Variants in COL16A1 observed in about 807,000 individuals in gnomAD.
COL16A1 encodes collagen type XVI alpha 1 chain, also known as collagen alpha-1(XVI) chain.
COL16A1 carries 189 observed loss-of-function variants against 266.3 expected under a neutral mutation model. The observed-to-expected ratio is 0.71, with a 90% CI of 0.63 to 0.80. The LOEUF is 0.80. COL16A1 is among the 30% of genes least tolerant of loss of function. The pLI is 0.00. For missense variants in COL16A1, 1,928 were observed against 2,122.4 expected (o/e 0.91, Z 1.80); for synonymous variants, 740 against 782.3 (o/e 0.95, Z 0.90).
intron 33 of COL16A1, 40 bp downstream of exon 33, chr1:31,683,910 T>A (rs1185215090): frequency 2.0e-5 from 32 of 1,613,054 alleles, no homozygotes; most frequent in Non-Finnish European, 2.5e-5. Flanking sequence ...ACCCCTGCCC[T>A]CACGTAGCTA....
chr1:31,698,859 C>T lies in COL16A1; in HGVS notation c.267-253G>A, dbSNP rs1465656359. Among the ~76,000 whole-genome samples, 1 of 152,096 alleles carries T rather than the reference C, an allele frequency of 6.6e-6. No homozygotes were observed. Among genetic ancestry groups the T allele is most frequent in the East Asian group, 1.9e-4 (1 of 5,198 alleles). ...CTGTAATCCCAGCACTTTGGGAGGCCGAGGTGGGCGGATCACCTGAGGCCA... is the reference window on the plus strand; with the variant it reads ...CTGTAATCCCAGCACTTTGGGAGGCTGAGGTGGGCGGATCACCTGAGGCCA... On this transcript the variant is annotated intron_variant, in intron 4 of 70. Transcript: ENST00000373672. The surrounding 1 kb of genome is among the most constrained non-coding windows in gnomAD (Gnocchi z 4.1).
At chr1:31,674,379 C>A (rs571515033) in intron 44 of COL16A1, among the ~76,000 whole-genome samples, 1 of 152,328 alleles carries the variant, frequency 6.6e-6, no homozygotes, top group South Asian at 2.1e-4. Flanking sequence ...GGTGACTAAG[C>A]AAAGATGGGC....
At chr1:31,661,626 G>A (rs1293266130) in intron 59 of COL16A1, 34 bp downstream of exon 59, 7 of 1,613,796 alleles carry the variant, frequency 4.3e-6, no homozygotes, top group East Asian at 2.2e-5. Context: ...CTGCAACTTC[G>A]CAGCTTCCAA....
Position 31,659,102 on chromosome 1 carries a change from T to C in COL16A1, c.3880-138A>G, listed in dbSNP as rs867433592. On this transcript the variant is annotated intron_variant, in intron 62 of 70. Coordinates refer to ENST00000373672, the MANE Select transcript of COL16A1 (RefSeq NM_001856.4). ...TGGAAACCTTCCTTCGCTCTGGTCT[T>C]GCACTTGAGCTTCGGACAAGATTTG... 2.8e-5 allele frequency: 22 copies of C among 799,976 alleles called. No individual in the cohort carries two copies. In the African/African-American group the frequency reaches 3.6e-4, roughly 13 times the overall value. 49.6% of individuals were successfully genotyped at this position (799,976 alleles called of 1,614,324 possible).
Position 31,692,599 on chromosome 1 carries a change from A to C in COL16A1, c.1157T>G (p.Leu386Arg). 1 of 1,614,122 alleles carries C rather than the reference A, an allele frequency of 6.2e-7. No individual in the cohort carries two copies. Among genetic ancestry groups the C allele is most frequent in the Non-Finnish European group, 8.5e-7 (1 of 1,179,982 alleles). Residue 386 changes from leucine (L) to arginine (R), a missense_variant and splice_region_variant, in exon 15 of 71, where the codon CTG becomes CGG. Physicochemically the swap from Leu to Arg is moderately radical, Grantham distance 102 (BLOSUM62 -2). This residue lies in a region of COL16A1 where 1,552 missense variants were observed against 1,637.2 expected (regional missense o/e 0.95). Coordinates refer to ENST00000373672, the MANE Select transcript of COL16A1 (RefSeq NM_001856.4). ...PKGEKGESGA[L>R]GPSGLPGSTG... ...CCCTATCCCTGGTCCCACACTCACCAGAGCTCCTGACTCCCCCTTCTCTCC... is the reference window on the plus strand; with the variant it reads ...CCCTATCCCTGGTCCCACACTCACCCGAGCTCCTGACTCCCCCTTCTCTCC...
intron 11 of COL16A1, 73 bp downstream of exon 11, chr1:31,695,113 G>A (rs1335658802): frequency 1.3e-6 from 2 of 1,544,050 alleles, no homozygotes; most frequent in Non-Finnish European, 8.9e-7. Flanking sequence ...CCAGGAGGCT[G>A]CCAAGCCAGC....
intron 13 of COL16A1, 124 bp downstream of exon 13, chr1:31,692,968 C>A (rs191746868): frequency 1.8e-5 from 17 of 944,936 alleles, no homozygotes; most frequent in African/African-American, 1.8e-4. Flanking sequence ...CCCTCACCCC[C>A]CTCCCGTGAT....
At chr1:31,653,751 A>G in intron 69 of COL16A1, 75 bp from the exon 70 acceptor site, 3 of 822,664 alleles carry the variant, frequency 3.6e-6, no homozygotes, top group Non-Finnish European at 5.1e-6. Flanking sequence ...CTTGAAACAC[A>G]CACACACACA....
At chr1:31,680,167 G>A (rs909153142) in intron 39 of COL16A1, 66 bp from the exon 40 acceptor site, 20 of 1,571,662 alleles carry the variant, frequency 1.3e-5, no homozygotes, top group African/African-American at 1.1e-4. Flanking sequence ...ATGGACATCC[G>A]AGAGGCACGT....
Position 31,656,971 on chromosome 1 carries a change from C to T in COL16A1, c.4056+62G>A. The T allele has an allele frequency of 6.2e-7, 1 of 1,610,128 alleles. No homozygotes were observed. ...TTTACTGAAAAAAATGAAGAGGGGT[C>T]AGGGCAAGGCGAGGAGCAAGAAGCA... On this transcript the variant is annotated intron_variant, in intron 65 of 70. Coordinates refer to ENST00000373672, the MANE Select transcript of COL16A1 (RefSeq NM_001856.4). The surrounding 1 kb of genome is among the most constrained non-coding windows in gnomAD (Gnocchi z 4.2).
rs202148193 is a variant in COL16A1 at position 31,699,130 on chromosome 1, C to CAA, written c.267-526_267-525dup. ...CCAACCAACCAACCAAACAAACAAACAAACAAAAAACCCACATACACAGTG... is the reference window on the plus strand; with the variant it reads ...CCAACCAACCAACCAAACAAACAAACAAAAACAAAAAACCCACATACACAGTG... On this transcript the variant is annotated intron_variant, in intron 4 of 70. Coordinates refer to ENST00000373672, the MANE Select transcript of COL16A1 (RefSeq NM_001856.4). Among the ~76,000 whole-genome samples, 1,241 of 150,956 alleles carry CAA rather than the reference C, an allele frequency of 8.2e-3. 7 individuals carry two copies. The highest frequency in any genetic ancestry group is 0.017 in the South Asian group (81 of 4,798).
chr1:31,691,086 C>G, intron 20 of COL16A1, 102 bp downstream of exon 20: 1 of 1,530,546 alleles, frequency 6.5e-7, no homozygotes, highest in Non-Finnish European at 8.8e-7. Flanking sequence ...CCGGCCTCCT[C>G]CCTGGGACTT....
At chr1:31,683,643 G>A (rs1643809321) in intron 34 of COL16A1, 64 bp downstream of exon 34, 16 of 1,612,020 alleles carry the variant, frequency 9.9e-6, no homozygotes, top group Non-Finnish European at 1.4e-5. Context: ...GGGAGTGGAT[G>A]GAAGTAGGTA....
intron 19 of COL16A1, 73 bp downstream of exon 19, chr1:31,691,344 C>T (rs377449159): frequency 1.7e-5 from 27 of 1,581,332 alleles, no homozygotes; most frequent in African/African-American, 9.4e-5. Context: ...ATCTTCCCCC[C>T]GTTCATTCCC....
intron 20 of COL16A1, 132 bp from the exon 21 acceptor site, chr1:31,690,705 A>T (rs1242094878): frequency 2.1e-5 from 30 of 1,429,766 alleles, no homozygotes; most frequent in Non-Finnish European, 2.8e-5. Context: ...CATTTGTTCC[A>T]TTCGGTCGGT....
At position 31,688,675 on chromosome 1, in the gene COL16A1, T is replaced by C. The variant is rs771474942; in HGVS notation, c.1768-173A>G. 9.7e-6 allele frequency: 11 copies of C among 1,137,018 alleles called. No individual in the cohort carries two copies. The South Asian group carries it at 1.4e-4, about 15-fold the overall frequency. The allele number at this position is 1,137,018 out of a possible 1,614,324, so 70.4% of individuals were successfully genotyped here. On this transcript the variant is annotated intron_variant, in intron 25 of 70. Transcript: ENST00000373672. The surrounding 1 kb of genome is among the most constrained non-coding windows in gnomAD (Gnocchi z 4.9). ...GAAGCTAGAGGTGCTAAGAGGAAGT[T>C]CCAGGGCAAGGAGCCTGGGGCAGCA... is the stretch of plus-strand genomic sequence containing the variant.
rs755428974 is a variant in COL16A1 at position 31,698,525 on chromosome 1, C to T, written c.348G>A (p.Thr116=). 1.2e-5 allele frequency: 20 copies of T among 1,614,162 alleles called. 1 individual carries two copies. In the Middle Eastern group the frequency reaches 5.0e-4, roughly 40 times the overall value. The change falls in exon 5 of 71, where the codon ACG becomes ACA. Residue 116 remains threonine (T), a synonymous_variant. Transcript: ENST00000373672. The surrounding 1 kb of genome is among the most constrained non-coding windows in gnomAD (Gnocchi z 4.1). ...LLLKKHTHQK[T]WYLFQVTDAN... ...CATCGGTCACTTGAAACAGATACCA[C>T]GTCTTCTGGTGGGTGTGTTTCTTCA...
At chr1:31,699,785 T>C (rs767925028) in intron 4 of COL16A1, 28 bp downstream of exon 4, 1 of 1,389,604 alleles carries the variant, frequency 7.2e-7, no homozygotes, top group Non-Finnish European at 1.0e-6. Context: ...TCAGTGTTGA[T>C]TCTCAGTGGT....
intron 37 of COL16A1, among the ~76,000 whole-genome samples, chr1:31,682,730 C>CA (rs1643732960): frequency 6.6e-6 from 1 of 152,106 alleles, no homozygotes; most frequent in African/African-American, 2.4e-5. Context: ...GATCACTGCT[C>CA]AAAAAATGGT....
Sources: allele counts gnomAD v4.1 joint callset (sites outside exome capture counted in the v4.1 genomes callset), GRCh38; gene constraint gnomAD v4.1.1; regional missense constraint gnomAD v4.1.1; non-coding constraint Gnocchi (gnomAD v3.1); transcripts MANE v1.5; gene names NCBI Gene and HGNC (gene_info 2026-07-23, HGNC 2026-07-21).